The following GABRG3 variants were observed in gnomAD, a reference collection of about 807,000 sequenced individuals.
GABRG3 encodes the protein gamma-aminobutyric acid receptor subunit gamma-3.
Under a neutral mutation model 48.8 loss-of-function variants are expected in GABRG3, and 25 were observed. The ratio of observed to expected loss-of-function variants is 0.51; its 90% CI spans 0.37 to 0.72. The LOEUF (loss-of-function observed/expected upper bound fraction) is 0.72, where lower values mean the gene tolerates loss of function less well. GABRG3 is among the 30% of genes least tolerant of loss of function. GABRG3 has a pLI of 0.00. For missense variants in GABRG3, 394 were observed against 577.9 expected, an observed-to-expected ratio of 0.68 and a Z score of 3.26; for synonymous variants, 227 against 217.6, an observed-to-expected ratio of 1.04 and a Z score of -0.38.
chr15:27,319,263 G>A lies in GABRG3; in HGVS notation c.271-7546G>A, dbSNP rs185196492. On this transcript the variant is annotated intron_variant, in intron 3 of 9. Coordinates refer to ENST00000615808, the MANE Select transcript of GABRG3 (RefSeq NM_033223.5). The surrounding 1 kb of genome is among the most constrained non-coding windows in gnomAD (Gnocchi z 4.4). Reference sequence around the variant, plus strand: ...ACCAACAAGGGCTCCAGTGAGCCTCGGTCACTGCTCTCTTGATGATGTGGA... The same window carrying A: ...ACCAACAAGGGCTCCAGTGAGCCTCAGTCACTGCTCTCTTGATGATGTGGA... 2.6e-5 allele frequency among the ~76,000 whole-genome samples: 4 copies of A among 152,252 alleles called. No individual in the cohort carries two copies. Among genetic ancestry groups the A allele is most frequent in the East Asian group, 1.9e-4 (1 of 5,164 alleles).
intron 3 of GABRG3, among the ~76,000 whole-genome samples, chr15:27,305,550 C>CATAAT (rs951024818): frequency 1.4e-5 from 2 of 140,870 alleles, no homozygotes; most frequent in Non-Finnish European, 3.1e-5. Flanking sequence ...TATATATAAA[C>CATAAT]ATAATATAAA....
At chr15:27,460,576 G>A (rs186332833) in intron 5 of GABRG3, among the ~76,000 whole-genome samples, 30 of 152,304 alleles carry the variant, frequency 2.0e-4, no homozygotes, top group Admixed American at 1.8e-3. Flanking sequence ...CATAATACAT[G>A]GAGATTACAT....
chr15:27,435,006 C>T (rs926959355), intron 5 of GABRG3, among the ~76,000 whole-genome samples: 7 of 152,036 alleles, frequency 4.6e-5, no homozygotes, highest in Non-Finnish European at 8.8e-5. Flanking sequence ...CGCAACATGC[C>T]AAGCTCTCTC....
At chr15:27,194,328 T>A (rs1023261655) in intron 3 of GABRG3, among the ~76,000 whole-genome samples, 16 of 152,228 alleles carry the variant, frequency 1.1e-4, no homozygotes, top group African/African-American at 3.9e-4. Flanking sequence ...TCAATTATAT[T>A]TTTATCCTTA....
chr15:27,483,475 G>A (rs1418998007), intron 6 of GABRG3, among the ~76,000 whole-genome samples: 1 of 152,130 alleles, frequency 6.6e-6, no homozygotes, highest in African/African-American at 2.4e-5. Flanking sequence ...ATGTTCACAG[G>A]TACTGAGGGT....
intron 3 of GABRG3, among the ~76,000 whole-genome samples, chr15:27,075,045 T>C (rs1896889113): frequency 6.6e-6 from 1 of 152,340 alleles, no homozygotes; most frequent in East Asian, 1.9e-4. Context: ...TACTAATATA[T>C]GAATAAAACC....
chr15:27,260,613 G>C (rs1374041483), intron 3 of GABRG3, among the ~76,000 whole-genome samples: 2 of 152,182 alleles, frequency 1.3e-5, no homozygotes, highest in Non-Finnish European at 2.9e-5. Flanking sequence ...TCAGGGACTT[G>C]AGCATCTGTA....
At chr15:27,172,236 A>G (rs1211733488) in intron 3 of GABRG3, among the ~76,000 whole-genome samples, 1 of 152,206 alleles carries the variant, frequency 6.6e-6, no homozygotes, top group Non-Finnish European at 1.5e-5. Flanking sequence ...CGGGGCTAGG[A>G]CAGTGTGGAC....
intron 3 of GABRG3, among the ~76,000 whole-genome samples, chr15:27,124,199 A>G (rs1897779596): frequency 6.6e-6 from 1 of 152,218 alleles, no homozygotes; most frequent in African/African-American, 2.4e-5. Context: ...ACACTTCTGG[A>G]TATTGTAAAG....
intron 3 of GABRG3, among the ~76,000 whole-genome samples, chr15:27,050,480 G>A (rs1009411689): frequency 1.6e-4 from 25 of 152,106 alleles, no homozygotes; most frequent in African/African-American, 4.6e-4. Context: ...CTTGCCCTTC[G>A]TCCTGCTGTT....
At chr15:27,398,666 G>A (rs911625009) in intron 5 of GABRG3, among the ~76,000 whole-genome samples, 40 of 147,302 alleles carry the variant, frequency 2.7e-4, no homozygotes, top group African/African-American at 8.0e-4. Context: ...ACAAGCGCGC[G>A]CACACACACA....
chr15:27,299,849 A>G lies in GABRG3; in HGVS notation c.271-26960A>G, dbSNP rs537515682. 1.0e-3 allele frequency among the ~76,000 whole-genome samples: 156 copies of G among 152,250 alleles called. 1 individual carries two copies. The highest frequency in any genetic ancestry group is 3.6e-3 in the African/African-American group (151 of 41,542). ...GCCCCAAGTTTCTAGCCAGAGGCCCAAAAAACACATGCCAGAGAATAAAAA... is the reference window on the plus strand; with the variant it reads ...GCCCCAAGTTTCTAGCCAGAGGCCCGAAAAACACATGCCAGAGAATAAAAA... On this transcript the variant is annotated intron_variant, in intron 3 of 9. Transcript: ENST00000615808.
At chr15:27,219,075 G>T (rs1268232691) in intron 3 of GABRG3, among the ~76,000 whole-genome samples, 2 of 152,140 alleles carry the variant, frequency 1.3e-5, no homozygotes, top group Non-Finnish European at 2.9e-5. Flanking sequence ...TTCTCCTCTG[G>T]CTACAGCCCC....
chr15:27,071,245 G>T (rs1007994743), intron 3 of GABRG3, among the ~76,000 whole-genome samples: 2 of 152,108 alleles, frequency 1.3e-5, no homozygotes, highest in Non-Finnish European at 2.9e-5. Flanking sequence ...GGTGTTTGGT[G>T]GCATTGTGTT....
chr15:27,123,804 G>A (rs1411764617), intron 3 of GABRG3, among the ~76,000 whole-genome samples: 2 of 152,100 alleles, frequency 1.3e-5, no homozygotes, highest in Non-Finnish European at 2.9e-5. Flanking sequence ...TTGCTGCTGT[G>A]TACAGCAGGA....
chr15:27,479,169 T>C (rs1890035109), intron 5 of GABRG3, among the ~76,000 whole-genome samples: 1 of 151,542 alleles, frequency 6.6e-6, no homozygotes, highest in South Asian at 2.1e-4. Flanking sequence ...ATGTGTGAAT[T>C]TTATGTATGT....
intron 2 of GABRG3, among the ~76,000 whole-genome samples, chr15:27,016,574 T>C (rs1205798770): frequency 2.0e-5 from 3 of 152,182 alleles, no homozygotes; most frequent in African/African-American, 7.2e-5. Context: ...GATGTGTCTC[T>C]TTGTAGATCT....
chr15:27,426,392 C>G (rs544064946), intron 5 of GABRG3, among the ~76,000 whole-genome samples: 208 of 152,330 alleles, frequency 1.4e-3, no homozygotes, highest in African/African-American at 4.8e-3. Flanking sequence ...TTTGCAGAAG[C>G]CTGGTGTCCA....
rs1294691406 is a variant in GABRG3, at chr15:27,361,751, T to C, written c.574+32863T>C. ...TGTTCTTATAGAAATGTCACTTGCT[T>C]TCTGTTATGTTTCTGAATCTGGCTG... On this transcript the variant is annotated intron_variant, in intron 5 of 9. Transcript: ENST00000615808. Among the ~76,000 whole-genome samples the C allele has an allele frequency of 5.9e-5, 9 of 152,364 alleles. No individual in the cohort carries two copies. The East Asian group carries it at 1.7e-3, about 29-fold the overall frequency.
Sources: allele counts gnomAD v4.1 joint callset (sites outside exome capture counted in the v4.1 genomes callset), GRCh38; gene constraint gnomAD v4.1.1; non-coding constraint Gnocchi (gnomAD v3.1); transcripts MANE v1.5; gene names NCBI Gene and HGNC (gene_info 2026-07-23, HGNC 2026-07-21).